The following AQP5 variants were observed in gnomAD, a reference collection of about 807,000 sequenced individuals.
The protein encoded by AQP5 is aquaporin 5.
AQP5 carries 15 observed loss-of-function variants against 19.1 expected under a neutral mutation model. The ratio of observed to expected loss-of-function variants is 0.79; its 90% CI spans 0.53 to 1.21. The LOEUF (loss-of-function observed/expected upper bound fraction) is 1.21. Among genes scored for constraint, AQP5 ranks in the 50% most tolerant of loss-of-function variants. AQP5 has a pLI of 0.00. For missense variants in AQP5, 355 were observed against 357.1 expected, an observed-to-expected ratio of 0.99 and a Z score of 0.05; for synonymous variants, 182 against 160.3, an observed-to-expected ratio of 1.14 and a Z score of -1.02.
At chr12:49,964,923 T>G (rs1947472805) in intron 3 of AQP5, 69 bp from the exon 4 acceptor site, 7 of 1,553,920 alleles carry the variant, frequency 4.5e-6, no homozygotes, top group Non-Finnish European at 8.7e-7. Context: ...CTGTCCTCTG[T>G]GGGGTGGGGG....
chr12:49,965,293 G>C lies in AQP5; in HGVS notation c.*116G>C, dbSNP rs964008339. On this transcript the variant is annotated 3_prime_UTR_variant, in exon 4 of 4. Coordinates refer to ENST00000293599, the MANE Select transcript of AQP5 (RefSeq NM_001651.4). ...CGGTCCTCTTGGCTGAGGAGGAGGA[G>C]CTGGTCACCCTGGCTGCACAGTTAG... 1.1e-5 allele frequency: 14 copies of C among 1,263,312 alleles called. No individual in the cohort carries two copies. The highest frequency in any genetic ancestry group is 3.0e-5 in the African/African-American group (2 of 66,076). The allele number at this position is 1,263,312 out of a possible 1,614,324, so 78.3% of individuals were successfully genotyped here.
Position 49,962,353 on chromosome 12 carries a change from T to C in AQP5, c.336T>C (p.Asn112=), listed in dbSNP as rs1947435024. The C allele has an allele frequency of 6.3e-7, 1 of 1,591,544 alleles. No homozygotes were observed. Among genetic ancestry groups the C allele is most frequent in the Non-Finnish European group, 8.5e-7 (1 of 1,176,066 alleles). ...TCCTCTACGGTGTGGCACCGCTCAA[T>C]GCCCGGGGCAATCTGGCCGTCAACG... is the stretch of plus-strand genomic sequence containing the variant. The part of the protein sequence containing the change: ...AGILYGVAPL[N]ARGNLAVNAL... The change falls in exon 1 of 4, where the codon AAT becomes AAC. Residue 112 remains asparagine, a synonymous_variant. Transcript: ENST00000293599.
intron 2 of AQP5, 136 bp downstream of exon 2, chr12:49,963,792 C>A: frequency 8.1e-7 from 1 of 1,228,684 alleles, no homozygotes. Flanking sequence ...CTCCTGGACT[C>A]TGGCCCTACT....
In AQP5 at chr12:49,965,339, G is replaced by A; in HGVS notation, c.*162G>A. On this transcript the variant is annotated 3_prime_UTR_variant, in exon 4 of 4. Coordinates refer to ENST00000293599, the MANE Select transcript of AQP5 (RefSeq NM_001651.4). ...GTTAGAGAGGGGAGAAGGAACCCAT[G>A]ATGGGACTCCTGGGGTAGGGGCCAG... The A allele has an allele frequency of 1.2e-6, 1 of 853,722 alleles. No individual in the cohort carries two copies. Among genetic ancestry groups the A allele is most frequent in the Non-Finnish European group, 1.7e-6 (1 of 577,448 alleles). 52.9% of individuals were successfully genotyped at this position (853,722 alleles called of 1,614,324 possible).
Position 49,965,491 on chromosome 12 carries a change from T to G in AQP5, c.*314T>G. 4.1e-5 allele frequency: 9 copies of G among 221,728 alleles called. No individual in the cohort carries two copies. The highest frequency in any genetic ancestry group is 1.0e-4 in the East Asian group (1 of 9,892). The allele number at this position is 221,728 out of a possible 1,614,324, so 13.7% of individuals were successfully genotyped here. ...GGGCCTGCAGCCTGCACCCCCCACC[T>G]TCCCCAACCCTTCCTCAAGAGCTGA... On this transcript the variant is annotated 3_prime_UTR_variant, in exon 4 of 4. Coordinates refer to ENST00000293599, the MANE Select transcript of AQP5 (RefSeq NM_001651.4).
chr12:49,963,351 C>T (rs747866300), intron 1 of AQP5, 141 bp from the exon 2 acceptor site: 136 of 1,143,606 alleles, frequency 1.2e-4, no homozygotes, highest in African/African-American at 1.7e-4. Context: ...CAAATGGCTT[C>T]GCTGGGGCGA....
intron 3 of AQP5, chr12:49,964,666 T>C (rs1404490462): frequency 3.0e-6 from 3 of 985,184 alleles, no homozygotes; most frequent in Non-Finnish European, 3.6e-6. Context: ...ACGCGCTCTG[T>C]TCATCCGTCT....
intron 1 of AQP5, 129 bp from the exon 2 acceptor site, chr12:49,963,363 G>T: frequency 7.9e-7 from 1 of 1,263,464 alleles, no homozygotes; most frequent in Non-Finnish European, 1.1e-6. Context: ...CTGGGGCGAT[G>T]TCCACAGGAC....
chr12:49,963,238 T>C (rs889285338), intron 1 of AQP5, among the ~76,000 whole-genome samples: 1 of 152,192 alleles, frequency 6.6e-6, no homozygotes, highest in East Asian at 1.9e-4. Flanking sequence ...GGCAGAGCCA[T>C]TGATAGGCCC....
intron 1 of AQP5, chr12:49,962,918 G>C (rs1375495055): frequency 6.1e-6 from 1 of 164,656 alleles, no homozygotes; most frequent in Non-Finnish European, 1.3e-5. Context: ...TTTCTGTTGA[G>C]TATTGGTTCC....
chr12:49,962,532 A>AGAGCCTCCCAAGGCCAGGAAGGCAC (rs145585963), intron 1 of AQP5, 152 bp downstream of exon 1: 1 of 1,196,250 alleles, frequency 8.4e-7, no homozygotes, highest in Non-Finnish European at 1.1e-6. Context: ...CAGGAAGGCA[A>AGAGCCTCCCAAGGCCAGGAAGGCAC]CTCTCCAGGC....
At position 49,965,197 on chromosome 12, in the gene AQP5, A is replaced by G; in HGVS notation, c.*20A>G. 1 of 1,574,494 alleles carries G rather than the reference A, an allele frequency of 6.4e-7. No individual in the cohort carries two copies. The highest frequency in any genetic ancestry group is 1.4e-5 in the African/African-American group (1 of 73,218). ...CGCTGACCAGTGTCAGGCAGGGGCC[A>G]GCCCCTCAGCCCCTGAGCCAAGGGG... On this transcript the variant is annotated 3_prime_UTR_variant, in exon 4 of 4. Coordinates refer to ENST00000293599, the MANE Select transcript of AQP5 (RefSeq NM_001651.4).
At chr12:49,963,436 C>A in intron 1 of AQP5, 56 bp from the exon 2 acceptor site, 3 of 1,592,926 alleles carry the variant, frequency 1.9e-6, no homozygotes, top group East Asian at 2.2e-5. Context: ...ACTCCCCGAG[C>A]CCCTGGCTAT....
chr12:49,964,932 G>A lies in AQP5; in HGVS notation c.613-60G>A, dbSNP rs1315320082. On this transcript the variant is annotated intron_variant, in intron 3 of 3. Transcript: ENST00000293599. ...GTGGGTCTGTCCTCTGTGGGGTGGG[G>A]GGCATGTGGTCTTCAAGGTCTGGGG... 27 of 1,563,476 alleles carry A rather than the reference G, an allele frequency of 1.7e-5. No individual in the cohort carries two copies. In the East Asian group the frequency reaches 2.5e-4, roughly 14 times the overall value.
rs897307782 is a variant in AQP5, at chr12:49,965,511, A to G, written c.*334A>G. 1.0e-5 allele frequency: 2 copies of G among 199,042 alleles called. No individual in the cohort carries two copies. Among genetic ancestry groups the G allele is most frequent in the Admixed American group, 1.1e-4 (2 of 17,854 alleles). 12.3% of individuals were successfully genotyped at this position (199,042 alleles called of 1,614,324 possible). ...CCACCTTCCCCAACCCTTCCTCAAG[A>G]GCTGAAGGGATCCCAGCCCCTAGGT... is the stretch of plus-strand genomic sequence containing the variant. On this transcript the variant is annotated 3_prime_UTR_variant, in exon 4 of 4. Coordinates refer to ENST00000293599, the MANE Select transcript of AQP5 (RefSeq NM_001651.4).
chr12:49,964,595 C>A (rs568479878), intron 3 of AQP5: 14 of 965,996 alleles, frequency 1.4e-5, no homozygotes, highest in East Asian at 2.3e-4. Context: ...TGTCTGCCCC[C>A]CCTTTGGAAG....
chr12:49,962,464 G>A lies in AQP5; in HGVS notation c.363+84G>A, dbSNP rs1243999555. On this transcript the variant is annotated intron_variant, in intron 1 of 3. Transcript: ENST00000293599. ...CTCTTACCCCACCTGGAAAAAAGGG[G>A]TGCCGCAGAGTGGGCCAGCCCACAC... is the stretch of plus-strand genomic sequence containing the variant. The A allele has an allele frequency of 2.8e-6, 3 of 1,059,762 alleles. No individual in the cohort carries two copies. In the Admixed American group the frequency reaches 1.0e-4, roughly 36 times the overall value. 65.6% of individuals were successfully genotyped at this position (1,059,762 alleles called of 1,614,324 possible). A position where few individuals can be genotyped will look rare whatever the true frequency, so the allele number is the denominator to read the frequency against.
In AQP5 at chr12:49,964,132, T is replaced by C. The variant is rs775832116; in HGVS notation, c.569T>C (p.Phe190Ser). 43 of 1,614,170 alleles carry C rather than the reference T, an allele frequency of 2.7e-5. No homozygotes were observed. The highest frequency in any genetic ancestry group is 3.6e-5 in the Non-Finnish European group (42 of 1,180,024). Residue 190 changes from phenylalanine (F) to serine (S), a missense_variant, in exon 3 of 4, where the codon TTT (phenylalanine) becomes TCT (serine). By Grantham distance (155) the Phe-to-Ser change is radical. Transcript: ENST00000293599. ...TGCSMNPARS[F>S]GPAVVMNRFS... ...TGCTCCATGAACCCAGCCCGCTCTT[T>C]TGGCCCTGCGGTGGTCATGAATCGG...
At chr12:49,963,213 G>T (rs1947448630) in intron 1 of AQP5, among the ~76,000 whole-genome samples, 1 of 152,236 alleles carries the variant, frequency 6.6e-6, no homozygotes, top group African/African-American at 2.4e-5. Context: ...GCCAGCTTAT[G>T]GGGGCTGGGG....
Sources: gnomAD v4.1 joint callset for allele counts (sites outside exome capture counted in the v4.1 genomes callset) on GRCh38, gnomAD v4.1.1 for gene constraint, MANE v1.5 for transcripts, NCBI Gene and HGNC (gene_info 2026-07-23, HGNC 2026-07-21) for gene names.